Variants in PLPP3 observed in about 807,000 individuals in gnomAD.
The protein encoded by PLPP3 is PAP2 beta.
Under a neutral mutation model 29.6 loss-of-function variants are expected in PLPP3, and 6 were observed. The observed-to-expected ratio is 0.20, with a 90% CI of 0.11 to 0.40. The LOEUF is 0.40. Ranked by LOEUF, PLPP3 falls within the 10% of genes least tolerant of loss-of-function variation. PLPP3 has a pLI of 1.00. For synonymous variants in PLPP3, 152 were observed against 159.7 expected, an observed-to-expected ratio of 0.95 and a Z score of 0.36; for missense variants, 308 against 407.7, an observed-to-expected ratio of 0.76 and a Z score of 2.11.
intron 1 of PLPP3, among the ~76,000 whole-genome samples, chr1:56,555,461 CA>C (rs1417008799): frequency 3.1e-5 from 2 of 65,382 alleles, no homozygotes; most frequent in African/African-American, 5.1e-5. Flanking sequence ...AAAAAAAAAA[CA>C]AAAAACAAAC....
intron 4 of PLPP3, chr1:56,512,369 C>T (rs1483285494): frequency 8.5e-6 from 4 of 468,220 alleles, no homozygotes; most frequent in South Asian, 5.8e-5. Flanking sequence ...CCCAGCACTT[C>T]GTGTGGCTGA....
chr1:56,518,715 T>TTACA (rs1553136508), intron 4 of PLPP3, among the ~76,000 whole-genome samples: 2 of 126,664 alleles, frequency 1.6e-5, no homozygotes, highest in African/African-American at 5.6e-5. Context: ...TTTTAATCAT[T>TTACA]TATATATATA....
At chr1:56,503,841 A>G (rs1239936268) in intron 5 of PLPP3, among the ~76,000 whole-genome samples, 1 of 152,104 alleles carries the variant, frequency 6.6e-6, no homozygotes, top group Non-Finnish European at 1.5e-5. Flanking sequence ...AGTGCAGTGC[A>G]CGATCTCCAC....
intron 1 of PLPP3, among the ~76,000 whole-genome samples, chr1:56,565,148 G>A (rs189176024): frequency 5.9e-5 from 9 of 152,334 alleles, no homozygotes; most frequent in East Asian, 5.8e-4. Flanking sequence ...TGGCTGAGAC[G>A]CATTCTGCCA....
intron 2 of PLPP3, among the ~76,000 whole-genome samples, chr1:56,533,902 G>C (rs1180211659): frequency 6.6e-6 from 1 of 152,136 alleles, no homozygotes; most frequent in Non-Finnish European, 1.5e-5. Flanking sequence ...TCTCTAGTTA[G>C]GAATATTATT....
chr1:56,529,943 G>T (rs771818152), intron 2 of PLPP3, among the ~76,000 whole-genome samples: 2 of 152,082 alleles, frequency 1.3e-5, no homozygotes, highest in Non-Finnish European at 1.5e-5. Context: ...TGGCTGCCCT[G>T]TGCCCACAAG....
chr1:56,543,209 C>T (rs1488070528), intron 1 of PLPP3, among the ~76,000 whole-genome samples: 1 of 152,122 alleles, frequency 6.6e-6, no homozygotes, highest in Non-Finnish European at 1.5e-5. Flanking sequence ...AGACTGAAGA[C>T]CCTGGACCTT....
intron 5 of PLPP3, among the ~76,000 whole-genome samples, chr1:56,497,572 A>G (rs1364347009): frequency 6.6e-6 from 1 of 152,228 alleles, no homozygotes; most frequent in African/African-American, 2.4e-5. Context: ...TTTAATAGGA[A>G]ACACTTGGCT....
At chr1:56,532,710 T>C (rs1378033575) in intron 2 of PLPP3, among the ~76,000 whole-genome samples, 1 of 152,184 alleles carries the variant, frequency 6.6e-6, no homozygotes, top group African/African-American at 2.4e-5. Context: ...CTAATGCTTT[T>C]GATTTTCTGC....
At chr1:56,530,069 G>A (rs1350230032) in intron 2 of PLPP3, among the ~76,000 whole-genome samples, 1 of 151,556 alleles carries the variant, frequency 6.6e-6, no homozygotes, top group East Asian at 1.9e-4. Context: ...AGAATCTCCT[G>A]GCTGTTCTTT....
chr1:56,566,988 C>T (rs1646165586), intron 1 of PLPP3, among the ~76,000 whole-genome samples: 1 of 152,166 alleles, frequency 6.6e-6, no homozygotes, highest in African/African-American at 2.4e-5. Context: ...AGATGGGTTT[C>T]TATTTCATGC....
intron 4 of PLPP3, among the ~76,000 whole-genome samples, chr1:56,519,020 G>A (rs1247510173): frequency 1.3e-5 from 2 of 151,950 alleles, no homozygotes; most frequent in Non-Finnish European, 2.9e-5. Flanking sequence ...GTGGGGGCAA[G>A]GTGCAGATTT....
At chr1:56,503,650 C>T (rs899198634) in intron 5 of PLPP3, among the ~76,000 whole-genome samples, 2 of 152,108 alleles carry the variant, frequency 1.3e-5, no homozygotes, top group Non-Finnish European at 2.9e-5. Context: ...GATTGCACTC[C>T]AGCCTGCAAC....
chr1:56,510,260 C>A (rs1645731414), intron 5 of PLPP3, among the ~76,000 whole-genome samples: 1 of 152,224 alleles, frequency 6.6e-6, no homozygotes, highest in African/African-American at 2.4e-5. Context: ...CCCACTGTCA[C>A]CTCACATTAA....
chr1:56,546,233 T>C (rs1234317416), intron 1 of PLPP3, among the ~76,000 whole-genome samples: 1 of 152,142 alleles, frequency 6.6e-6, no homozygotes, highest in Non-Finnish European at 1.5e-5. Context: ...TACTCCCCAC[T>C]ATCTCCCTGA....
At chr1:56,562,715 A>C (rs12059843) in intron 1 of PLPP3, among the ~76,000 whole-genome samples, 3 of 152,182 alleles carry the variant, frequency 2.0e-5, no homozygotes, top group African/African-American at 7.2e-5. Flanking sequence ...GGAGGCAAGA[A>C]CAGCATCAAG....
At chr1:56,520,965 G>A (rs12068535) in intron 4 of PLPP3, among the ~76,000 whole-genome samples, 5,840 of 148,518 alleles carry the variant, frequency 0.039, 427 homozygotes, top group African/African-American at 0.14. Context: ...CTAGCACGGA[G>A]GCTCACATCT....
At chr1:56,562,036 C>CAAAAAA (rs71048439) in intron 1 of PLPP3, among the ~76,000 whole-genome samples, 4 of 50,956 alleles carry the variant, frequency 7.8e-5, no homozygotes, top group African/African-American at 3.4e-4. Flanking sequence ...CTCCGTTTCA[C>CAAAAAA]AAAAAAAAAA....
At chr1:56,545,227 C>A (rs1307318182) in intron 1 of PLPP3, among the ~76,000 whole-genome samples, 3 of 152,190 alleles carry the variant, frequency 2.0e-5, no homozygotes, top group African/African-American at 7.2e-5. Flanking sequence ...AACTGTCATT[C>A]TTGCTGTATG....
Sources: gnomAD v4.1 joint callset for allele counts (sites outside exome capture counted in the v4.1 genomes callset) on GRCh38, gnomAD v4.1.1 for gene constraint, MANE v1.5 for transcripts, NCBI Gene and HGNC (gene_info 2026-07-23, HGNC 2026-07-21) for gene names.